Variants in GTF2F2 observed in about 807,000 individuals in gnomAD.
GTF2F2 encodes the protein general transcription factor IIF subunit 2.
GTF2F2 carries 23 observed loss-of-function variants against 42.2 expected under a neutral mutation model. The observed-to-expected ratio is 0.55, with a 90% CI of 0.39 to 0.77. The LOEUF is 0.77. Ranked by LOEUF, GTF2F2 falls within the 30% of genes least tolerant of loss-of-function variation. GTF2F2 has a pLI of 0.00. For synonymous variants in GTF2F2, 105 were observed against 100.8 expected (o/e 1.04, Z -0.25); for missense variants, 261 against 287.2 (o/e 0.91, Z 0.66).
At chr13:45,242,579 T>C (rs2138235185) in intron 5 of GTF2F2, among the ~76,000 whole-genome samples, 1 of 152,260 alleles carries the variant, frequency 6.6e-6, no homozygotes, top group African/African-American at 2.4e-5. Context: ...GTGGAAACAT[T>C]TGTTGTTTAG....
At chr13:45,245,338 T>G (rs1875531656) in intron 5 of GTF2F2, among the ~76,000 whole-genome samples, 1 of 151,930 alleles carries the variant, frequency 6.6e-6, no homozygotes, top group South Asian at 2.1e-4. Flanking sequence ...GAACAGGTGG[T>G]GTTTGGTTAC....
chr13:45,191,227 ATATATATATAT>A lies in GTF2F2; in HGVS notation c.305-16196_305-16186del, dbSNP rs1872631362. ...TCTACTAAAAATACAAAAAAAAAAT[ATATATATATAT>A]ATATATATATATATATAGCCATAAT... On this transcript the variant is annotated intron_variant, in intron 4 of 7. Coordinates refer to ENST00000340473, the MANE Select transcript of GTF2F2 (RefSeq NM_004128.3). Among the ~76,000 whole-genome samples, 3 of 116,096 alleles carry A rather than the reference ATATATATATAT, an allele frequency of 2.6e-5. 1 individual carries two copies. Among genetic ancestry groups the A allele is most frequent in the African/African-American group, 7.3e-5 (2 of 27,570 alleles). The allele number at this position is 116,096 out of a possible 152,430, so 76.2% of individuals were successfully genotyped here. A position where few individuals can be genotyped will look rare whatever the true frequency, so the allele number is the denominator to read the frequency against.
In GTF2F2 at chr13:45,283,907, A is replaced by C; in HGVS notation, c.*346A>C. The C allele has an allele frequency of 6.5e-6, 1 of 153,764 alleles. No individual in the cohort carries two copies. The highest frequency in any genetic ancestry group is 1.4e-5 in the Non-Finnish European group (1 of 69,112). 9.5% of individuals were successfully genotyped at this position (153,764 alleles called of 1,614,324 possible). ...CTCTCTACCCTTGCCGTATCTAAGGAGCTGAGGTAATACAGATCCAAGGAG... is the reference window on the plus strand; with the variant it reads ...CTCTCTACCCTTGCCGTATCTAAGGCGCTGAGGTAATACAGATCCAAGGAG... On this transcript the variant is annotated 3_prime_UTR_variant, in exon 8 of 8. Coordinates refer to ENST00000340473, the MANE Select transcript of GTF2F2 (RefSeq NM_004128.3).
At chr13:45,131,897 CAAAAAAAAAAAAAAAA>C (rs765260379) in intron 1 of GTF2F2, among the ~76,000 whole-genome samples, 1 of 53,184 alleles carries the variant, frequency 1.9e-5, no homozygotes, top group African/African-American at 5.6e-5. Flanking sequence ...GACCCTGTCT[CAAAAAAAAAAAAAAAA>C]AAAAAAAAGA....
intron 4 of GTF2F2, among the ~76,000 whole-genome samples, chr13:45,161,037 A>C (rs2138131860): frequency 6.6e-6 from 1 of 152,314 alleles, no homozygotes; most frequent in East Asian, 1.9e-4. Flanking sequence ...TGCATACTCA[A>C]GGGTTGAAAT....
At chr13:45,218,673 G>T (rs1873984868) in intron 5 of GTF2F2, among the ~76,000 whole-genome samples, 1 of 152,296 alleles carries the variant, frequency 6.6e-6, no homozygotes, top group African/African-American at 2.4e-5. Flanking sequence ...TGAAACATTT[G>T]AAAATGCAGA....
intron 4 of GTF2F2, among the ~76,000 whole-genome samples, chr13:45,200,854 T>A (rs1873147678): frequency 6.6e-6 from 1 of 152,090 alleles, no homozygotes; most frequent in African/African-American, 2.4e-5. Context: ...TTCTTCAGTC[T>A]TTTCCCAGAG....
At chr13:45,269,599 T>C (rs910941121) in intron 7 of GTF2F2, among the ~76,000 whole-genome samples, 2 of 152,174 alleles carry the variant, frequency 1.3e-5, no homozygotes, top group African/African-American at 4.8e-5. Flanking sequence ...GAATCTATTC[T>C]AGCATGAAGA....
At chr13:45,207,345 T>A in intron 4 of GTF2F2, 79 bp from the exon 5 acceptor site, 1 of 780,398 alleles carries the variant, frequency 1.3e-6, no homozygotes, top group Non-Finnish European at 2.2e-6. Context: ...GATTGTCATA[T>A]TACTGTGTTT....
chr13:45,266,467 C>T (rs74682693), intron 6 of GTF2F2, among the ~76,000 whole-genome samples: 1 of 152,196 alleles, frequency 6.6e-6, no homozygotes, highest in Admixed American at 6.5e-5. Flanking sequence ...AAACTTTTCA[C>T]TCCGTAAAGA....
chr13:45,278,146 G>A (rs1877109201), intron 7 of GTF2F2, among the ~76,000 whole-genome samples: 1 of 152,128 alleles, frequency 6.6e-6, no homozygotes, highest in Admixed American at 6.6e-5. Context: ...AGGGGGTGGA[G>A]GGACGGAAGG....
chr13:45,168,874 T>TCC (rs1299235575), intron 4 of GTF2F2, among the ~76,000 whole-genome samples: 1 of 10,034 alleles, frequency 1.0e-4, no homozygotes, highest in African/African-American at 3.2e-4. Context: ...CTTGCTTCTC[T>TCC]CCCTCCTTCC....
intron 5 of GTF2F2, among the ~76,000 whole-genome samples, chr13:45,216,001 C>T (rs7317777): frequency 0.029 from 4,336 of 152,060 alleles, 190 homozygotes; most frequent in African/African-American, 0.093. Context: ...CTTGTAATCC[C>T]GGCACTTTGG....
chr13:45,195,812 T>C (rs1872862983), intron 4 of GTF2F2, among the ~76,000 whole-genome samples: 1 of 152,180 alleles, frequency 6.6e-6, no homozygotes, highest in Non-Finnish European at 1.5e-5. Context: ...TTTTTTGTTG[T>C]AGTTTTAGTT....
At chr13:45,185,937 G>A (rs980035001) in intron 4 of GTF2F2, among the ~76,000 whole-genome samples, 2 of 151,780 alleles carry the variant, frequency 1.3e-5, no homozygotes, top group Admixed American at 6.6e-5. Flanking sequence ...AGTTTTGTTA[G>A]GATATAGGAT....
At chr13:45,201,867 A>G (rs1365978856) in intron 4 of GTF2F2, among the ~76,000 whole-genome samples, 1 of 152,218 alleles carries the variant, frequency 6.6e-6, no homozygotes, top group Non-Finnish European at 1.5e-5. Flanking sequence ...AGCCTTTGGT[A>G]GGATGAGTTT....
At chr13:45,130,840 T>C (rs1869305866) in intron 1 of GTF2F2, among the ~76,000 whole-genome samples, 1 of 152,028 alleles carries the variant, frequency 6.6e-6, no homozygotes, top group African/African-American at 2.4e-5. Context: ...AGAGTTTGAG[T>C]AGGCAGTTGG....
intron 5 of GTF2F2, among the ~76,000 whole-genome samples, chr13:45,238,773 C>T (rs1038499653): frequency 2.0e-5 from 3 of 151,856 alleles, no homozygotes; most frequent in South Asian, 2.1e-4. Flanking sequence ...GGAGAAACCT[C>T]GTCTCTACTA....
At chr13:45,239,897 C>T (rs947261812) in intron 5 of GTF2F2, among the ~76,000 whole-genome samples, 5 of 151,962 alleles carry the variant, frequency 3.3e-5, no homozygotes, top group Non-Finnish European at 4.4e-5. Context: ...AATTTTTTCC[C>T]CCACTCTGCC....
Sources: allele counts gnomAD v4.1 joint callset (sites outside exome capture counted in the v4.1 genomes callset), GRCh38; gene constraint gnomAD v4.1.1; transcripts MANE v1.5; gene names NCBI Gene and HGNC (gene_info 2026-07-23, HGNC 2026-07-21).